Variants in FIGN observed in about 807,000 individuals in gnomAD.
The protein encoded by FIGN is fidgetin, microtubule severing factor.
A neutral mutation model predicts 51.3 loss-of-function variants in FIGN; 11 were observed. That is an observed-to-expected ratio of 0.21 (90% CI 0.13 to 0.35). The LOEUF (loss-of-function observed/expected upper bound fraction) is 0.35, where lower values mean the gene tolerates loss of function less well. Among genes scored for constraint, FIGN ranks in the 10% least tolerant of loss-of-function variants. The pLI, the probability that FIGN is intolerant of heterozygous loss-of-function variation, is 1.00. For missense variants in FIGN, 857 were observed against 943.6 expected (o/e 0.91, Z 1.20); for synonymous variants, 407 against 363.2 (o/e 1.12, Z -1.37).
intron 2 of FIGN, among the ~76,000 whole-genome samples, chr2:163,614,111 C>T (rs890565446): frequency 1.3e-4 from 20 of 152,190 alleles, no homozygotes; most frequent in African/African-American, 4.8e-4. Flanking sequence ...CAGCTTGCAT[C>T]ATTTCACTCA....
chr2:163,638,741 T>A (rs1683263412), intron 2 of FIGN, among the ~76,000 whole-genome samples: 1 of 152,152 alleles, frequency 6.6e-6, no homozygotes, highest in African/African-American at 2.4e-5. Flanking sequence ...TATCAATCAA[T>A]CAATTACGCT....
At chr2:163,671,101 T>C (rs2105333233) in intron 2 of FIGN, among the ~76,000 whole-genome samples, 1 of 152,318 alleles carries the variant, frequency 6.6e-6, no homozygotes, top group East Asian at 1.9e-4. Flanking sequence ...TTTTACAAGA[T>C]ATTGCACCAG....
chr2:163,620,706 C>A (rs933298632), intron 2 of FIGN, among the ~76,000 whole-genome samples: 1 of 151,904 alleles, frequency 6.6e-6, no homozygotes, highest in African/African-American at 2.4e-5. Context: ...ACTGTTTTGC[C>A]GTACAAAATA....
At chr2:163,694,832 G>A (rs1684291754) in intron 2 of FIGN, among the ~76,000 whole-genome samples, 1 of 151,986 alleles carries the variant, frequency 6.6e-6, no homozygotes, top group Non-Finnish European at 1.5e-5. Context: ...TAAAAATTGT[G>A]TTAGAGATGG....
At chr2:163,635,884 C>G (rs113290914) in intron 2 of FIGN, among the ~76,000 whole-genome samples, 2,504 of 152,008 alleles carry the variant, frequency 0.016, 64 homozygotes, top group African/African-American at 0.053. Context: ...TTAATTGCAT[C>G]AGAGGGAACT....
At chr2:163,652,121 C>T (rs762507344) in intron 2 of FIGN, among the ~76,000 whole-genome samples, 5 of 152,084 alleles carry the variant, frequency 3.3e-5, no homozygotes, top group Admixed American at 6.6e-5. Flanking sequence ...CATATACAGC[C>T]TTTTGTACAC....
At position 163,660,776 on chromosome 2, in the gene FIGN, C is replaced by CATATACATATATATGTATATAG. The variant is rs1461532229; in HGVS notation, c.26-48992_26-48971dup. Among the ~76,000 whole-genome samples, 193 of 83,908 alleles carry CATATACATATATATGTATATAG rather than the reference C, an allele frequency of 2.3e-3. 52 individuals carry two copies. The highest frequency in any genetic ancestry group is 3.7e-3 in the Non-Finnish European group (177 of 47,644). The allele number at this position is 83,908 out of a possible 152,430, so 55.0% of individuals were successfully genotyped here. On this transcript the variant is annotated intron_variant, in intron 2 of 2. Coordinates refer to ENST00000333129, the MANE Select transcript of FIGN (RefSeq NM_018086.4). ...ACACATATACATATATATGTATACA[C>CATATACATATATATGTATATAG]ATATACATATATATGTATATAGATA...
chr2:163,617,260 C>T lies in FIGN; in HGVS notation c.26-5454G>A, dbSNP rs980615128. ...TCATTTTTACCTAATTTTGTTCCAT[C>T]TTTAGAGGACCAAAATTAGAAGATT... On this transcript the variant is annotated intron_variant, in intron 2 of 2. Transcript: ENST00000333129. 4.1e-5 allele frequency: 40 copies of T among 982,110 alleles called. No individual in the cohort carries two copies. In the African/African-American group the frequency reaches 7.0e-4, roughly 17 times the overall value. 60.8% of individuals were successfully genotyped at this position (982,110 alleles called of 1,614,324 possible). A position where few individuals can be genotyped will look rare whatever the true frequency, so the allele number is the denominator to read the frequency against.
At chr2:163,636,870 A>G (rs940914835) in intron 2 of FIGN, among the ~76,000 whole-genome samples, 25 of 151,982 alleles carry the variant, frequency 1.6e-4, no homozygotes, top group African/African-American at 5.8e-4. Flanking sequence ...AAAAAGAAAC[A>G]CTTTCACTAC....
At chr2:163,685,131 A>G (rs942838377) in intron 2 of FIGN, among the ~76,000 whole-genome samples, 2 of 152,130 alleles carry the variant, frequency 1.3e-5, no homozygotes, top group African/African-American at 4.8e-5. Flanking sequence ...TAGAAGAGTC[A>G]TATTTCCTAT....
At chr2:163,627,506 A>C (rs1482853952) in intron 2 of FIGN, among the ~76,000 whole-genome samples, 1 of 152,184 alleles carries the variant, frequency 6.6e-6, no homozygotes, top group African/African-American at 2.4e-5. Context: ...ATGTTAATCA[A>C]GTAAGACTTT....
chr2:163,636,411 G>A (rs969862286), intron 2 of FIGN, among the ~76,000 whole-genome samples: 7 of 151,994 alleles, frequency 4.6e-5, no homozygotes, highest in African/African-American at 9.7e-5. Flanking sequence ...TCAGCCTCCC[G>A]AGTAGCTGGT....
intron 2 of FIGN, among the ~76,000 whole-genome samples, chr2:163,632,920 G>C (rs1430459214): frequency 6.6e-6 from 1 of 152,118 alleles, no homozygotes; most frequent in Non-Finnish European, 1.5e-5. Flanking sequence ...GCCAGGTTGG[G>C]TGGCTCATGC....
intron 2 of FIGN, among the ~76,000 whole-genome samples, chr2:163,655,570 A>T (rs1292957793): frequency 6.6e-6 from 1 of 152,192 alleles, no homozygotes; most frequent in Non-Finnish European, 1.5e-5. Context: ...TTCACTAAAA[A>T]GGTAATCACA....
chr2:163,614,868 G>T (rs1367920057), intron 2 of FIGN, among the ~76,000 whole-genome samples: 1 of 151,926 alleles, frequency 6.6e-6, no homozygotes, highest in Non-Finnish European at 1.5e-5. Flanking sequence ...ATTAGCTTAA[G>T]TAATGTTTTC....
In FIGN at chr2:163,726,353, C is replaced by A. The variant is rs78671134; in HGVS notation, c.25+8550G>T. ...CGATAAGGGCAGGGGGGATAAGACC[C>A]ACATCTTTTGTAAGTTGGGCCTAAA... is the stretch of plus-strand genomic sequence containing the variant. On this transcript the variant is annotated intron_variant, in intron 2 of 2. Coordinates refer to ENST00000333129, the MANE Select transcript of FIGN (RefSeq NM_018086.4). 7.9e-5 allele frequency among the ~76,000 whole-genome samples: 12 copies of A among 151,980 alleles called. No homozygotes were observed. The East Asian group carries it at 2.1e-3, about 27-fold the overall frequency.
chr2:163,719,405 C>T (rs1684719766), intron 2 of FIGN, among the ~76,000 whole-genome samples: 1 of 152,128 alleles, frequency 6.6e-6, no homozygotes, highest in Non-Finnish European at 1.5e-5. Flanking sequence ...GGCACACAGA[C>T]ACAAACACAC....
rs571305478 is a variant in FIGN, at chr2:163,667,785, A to ACTGTG, written c.26-55984_26-55980dup. Among the ~76,000 whole-genome samples, 478 of 152,224 alleles carry ACTGTG rather than the reference A, an allele frequency of 3.1e-3. 3 individuals carry two copies. The highest frequency in any genetic ancestry group is 5.0e-3 in the Non-Finnish European group (343 of 67,994). On this transcript the variant is annotated intron_variant, in intron 2 of 2. Transcript: ENST00000333129. ...AGGGTTCCACTGCTGCGTTCTTCAC[A>ACTGTG]CTGTGCTGTAACTGTTTATTTGTAT...
intron 2 of FIGN, among the ~76,000 whole-genome samples, chr2:163,617,837 C>A (rs1682904952): frequency 6.6e-6 from 1 of 152,090 alleles, no homozygotes; most frequent in Non-Finnish European, 1.5e-5. Flanking sequence ...ATTAAGATTA[C>A]CTGAATAATA....
Sources: gnomAD v4.1 joint callset for allele counts (sites outside exome capture counted in the v4.1 genomes callset) on GRCh38, gnomAD v4.1.1 for gene constraint, MANE v1.5 for transcripts, NCBI Gene and HGNC (gene_info 2026-07-23, HGNC 2026-07-21) for gene names.